JPT2: variants seen among roughly 807,000 people sequenced by gnomAD.
JPT2 encodes the protein Jupiter microtubule associated homolog 2.
A neutral mutation model predicts 15.9 loss-of-function variants in JPT2; 9 were observed. The observed-to-expected ratio is 0.57, with a 90% CI of 0.34 to 0.99. The LOEUF (loss-of-function observed/expected upper bound fraction) is 0.99. Among genes scored for constraint, JPT2 ranks in the 50% least tolerant of loss-of-function variants. The probability of loss-of-function intolerance (pLI) is 0.02; values close to 1 mark genes in which losing one functional copy is unlikely to be tolerated. For missense variants in JPT2, 267 were observed against 252.1 expected (o/e 1.06, Z -0.40); for synonymous variants, 95 against 91.7 (o/e 1.04, Z -0.21).
chr16:1,685,340 AC>A, intron 1 of JPT2, 98 bp from the exon 2 acceptor site: 1 of 1,338,886 alleles, frequency 7.5e-7, no homozygotes, highest in East Asian at 2.3e-5. Context: ...AAAGAAAAAA[AC>A]AAAATACTTT....
Position 1,691,828 on chromosome 16 carries a change from T to G in JPT2, c.194-15T>G. 1.2e-6 allele frequency: 2 copies of G among 1,611,032 alleles called. No individual in the cohort carries two copies. Among genetic ancestry groups the G allele is most frequent in the Non-Finnish European group, 1.7e-6 (2 of 1,178,832 alleles). ...GGACGTCTGGTTGCTCAGTGTTCTGTGATCGTTTCTGCAGGGGGTAAAGGA... is the reference window on the plus strand; with the variant it reads ...GGACGTCTGGTTGCTCAGTGTTCTGGGATCGTTTCTGCAGGGGGTAAAGGA... On this transcript the variant is annotated splice_polypyrimidine_tract_variant and intron_variant, in intron 2 of 4. Coordinates refer to ENST00000248098, the MANE Select transcript of JPT2 (RefSeq NM_144570.3).
rs1243690525 is a variant in JPT2, at chr16:1,698,280, G to T, written c.385+420G>T. The stretch of plus-strand genomic sequence containing the variant: ...AGTGAGCCACTGCTCAGGTTGAGCG[G>T]CAGACTTCGACTCTCCCCACGGCTC... On this transcript the variant is annotated intron_variant, in intron 4 of 4. Transcript: ENST00000248098. The surrounding 1 kb of genome is among the most constrained non-coding windows in gnomAD (Gnocchi z 4.9). Among the ~76,000 whole-genome samples, 1 of 152,202 alleles carries T rather than the reference G, an allele frequency of 6.6e-6. No individual in the cohort carries two copies. Among genetic ancestry groups the T allele is most frequent in the Non-Finnish European group, 1.5e-5 (1 of 68,034 alleles).
intron 1 of JPT2, among the ~76,000 whole-genome samples, chr16:1,681,882 C>G (rs1364850523): frequency 1.3e-5 from 2 of 152,182 alleles, no homozygotes; most frequent in East Asian, 3.8e-4. Context: ...TCAGATCTGA[C>G]AGTTTGTAGC....
At chr16:1,682,422 A>G (rs1050995571) in intron 1 of JPT2, among the ~76,000 whole-genome samples, 14 of 151,972 alleles carry the variant, frequency 9.2e-5, no homozygotes, top group Non-Finnish European at 2.1e-4. Context: ...CTGTAATCCC[A>G]GCACTTTGGG....
At chr16:1,702,699 C>T (rs575984224), downstream of JPT2, among the ~76,000 whole-genome samples, 1 of 152,214 alleles carries the variant, frequency 6.6e-6, no homozygotes, top group African/African-American at 2.4e-5. Flanking sequence ...AAGATCATCA[C>T]TGAAATACTC....
At chr16:1,689,447 T>C (rs2037089750) in intron 2 of JPT2, 1 of 152,028 alleles carries the variant, frequency 6.6e-6, no homozygotes, top group African/African-American at 2.4e-5. Context: ...GTAGGTATGA[T>C]TATTTATTAC....
At chr16:1,697,664 G>A (rs2037152196) in intron 3 of JPT2, 148 bp from the exon 4 acceptor site, 1 of 645,986 alleles carries the variant, frequency 1.5e-6, no homozygotes, top group Admixed American at 2.7e-5. Context: ...TTTCAGAATA[G>A]TCTGTAGAGG....
chr16:1,683,478 CTT>C, intron 1 of JPT2: 1 of 1,412,998 alleles, frequency 7.1e-7, no homozygotes. Flanking sequence ...GTGCACCTGT[CTT>C]TTTTTTTCTC....
intron 1 of JPT2, among the ~76,000 whole-genome samples, chr16:1,679,045 A>G (rs1043070672): frequency 6.6e-6 from 1 of 152,258 alleles, no homozygotes; most frequent in Admixed American, 6.5e-5. Context: ...ATCCTGACTC[A>G]GCTTTAATAG....
At position 1,698,726 on chromosome 16, in the gene JPT2, T is replaced by G; in HGVS notation, c.386-85T>G. On this transcript the variant is annotated intron_variant, in intron 4 of 4. Coordinates refer to ENST00000248098, the MANE Select transcript of JPT2 (RefSeq NM_144570.3). This position sits in a 1 kb window ranked among gnomAD's most constrained non-coding sequence, Gnocchi z 4.9. ...CATGAATTTCTTGCAGGTTGCTCTA[T>G]GACACACTTTTTATTTCCACAGCCT... is the stretch of plus-strand genomic sequence containing the variant. 1 of 1,377,354 alleles carries G rather than the reference T, an allele frequency of 7.3e-7. No homozygotes were observed. The highest frequency in any genetic ancestry group is 9.8e-7 in the Non-Finnish European group (1 of 1,020,432). 85.3% of individuals were successfully genotyped at this position (1,377,354 alleles called of 1,614,324 possible).
chr16:1,697,702 C>T, intron 3 of JPT2, 110 bp from the exon 4 acceptor site: 4 of 982,490 alleles, frequency 4.1e-6, no homozygotes, highest in Non-Finnish European at 6.4e-6. Context: ...GTCAGATATA[C>T]AAGCATTTTT....
At chr16:1,680,589 T>G in intron 1 of JPT2, 1 of 932,612 alleles carries the variant, frequency 1.1e-6, no homozygotes, top group Non-Finnish European at 1.3e-6. Context: ...GGGCGCCTTG[T>G]AAGCGTCACA....
At chr16:1,685,747 T>C (rs2037060110) in intron 2 of JPT2, 160 bp downstream of exon 2, 2 of 776,022 alleles carry the variant, frequency 2.6e-6, no homozygotes, top group Admixed American at 6.2e-5. Context: ...TTGTACTTTC[T>C]CTCTTGAAGG....
chr16:1,692,235 G>A (rs1005774837), intron 3 of JPT2: 13 of 531,910 alleles, frequency 2.4e-5, no homozygotes, highest in South Asian at 1.3e-4. Flanking sequence ...CACTGCAGAC[G>A]GGCTGTGGCG....
intron 1 of JPT2, 147 bp from the exon 2 acceptor site, chr16:1,685,292 C>T (rs187285587): frequency 7.1e-5 from 57 of 800,940 alleles, no homozygotes; most frequent in African/African-American, 4.7e-4. Flanking sequence ...CACGTCACTG[C>T]GCTCCAGCCT....
intron 1 of JPT2, among the ~76,000 whole-genome samples, chr16:1,684,873 T>C (rs1490485899): frequency 6.8e-6 from 1 of 147,194 alleles, no homozygotes. Flanking sequence ...ATCGTGCCAC[T>C]GCACTCCAGC....
At chr16:1,692,698 A>C (rs1215595455) in intron 3 of JPT2, among the ~76,000 whole-genome samples, 1 of 152,238 alleles carries the variant, frequency 6.6e-6, no homozygotes, top group Non-Finnish European at 1.5e-5. Context: ...GGTTTACTGC[A>C]GCCACCGTTC....
chr16:1,685,154 C>T (rs1248496347), intron 1 of JPT2, among the ~76,000 whole-genome samples: 1 of 151,958 alleles, frequency 6.6e-6, no homozygotes, highest in Non-Finnish European at 1.5e-5. Flanking sequence ...TGGCAAAACC[C>T]TGTCTCTACC....
intron 1 of JPT2, among the ~76,000 whole-genome samples, chr16:1,682,533 A>T (rs1406696802): frequency 6.6e-6 from 1 of 152,134 alleles, no homozygotes; most frequent in Non-Finnish European, 1.5e-5. Context: ...TTAGCTGGGC[A>T]TGGTGGCGGG....
Sources: allele counts gnomAD v4.1 joint callset (sites outside exome capture counted in the v4.1 genomes callset), GRCh38; gene constraint gnomAD v4.1.1; non-coding constraint Gnocchi (gnomAD v3.1); transcripts MANE v1.5; gene names NCBI Gene and HGNC (gene_info 2026-07-23, HGNC 2026-07-21).